The following BTAF1 variants were observed in gnomAD, a reference collection of about 807,000 sequenced individuals.
BTAF1 encodes TATA-binding protein-associated factor 172.
Under a neutral mutation model 227.1 loss-of-function variants are expected in BTAF1, and 38 were observed. The ratio of observed to expected loss-of-function variants is 0.17; its 90% CI spans 0.13 to 0.22. BTAF1 has a LOEUF of 0.22. Among genes scored for constraint, BTAF1 ranks in the 10% least tolerant of loss-of-function variants. The probability of loss-of-function intolerance (pLI) is 1.00; values close to 1 mark genes in which losing one functional copy is unlikely to be tolerated. For synonymous variants in BTAF1, 742 were observed against 751.9 expected, an observed-to-expected ratio of 0.99 and a Z score of 0.21; for missense variants, 1,598 against 2,204.0, an observed-to-expected ratio of 0.73 and a Z score of 5.51.
intron 25 of BTAF1, among the ~76,000 whole-genome samples, chr10:91,999,398 C>CT (rs528102402): frequency 3.3e-3 from 482 of 146,904 alleles, no homozygotes; most frequent in African/African-American, 7.4e-3. Flanking sequence ...ATTTTCAAGA[C>CT]TTTTTTTTTT....
At chr10:91,978,890 T>A (rs1014859191) in intron 14 of BTAF1, among the ~76,000 whole-genome samples, 2 of 142,416 alleles carry the variant, frequency 1.4e-5, no homozygotes, top group African/African-American at 5.0e-5. Flanking sequence ...GTAGGTAAAC[T>A]TATGTCACGG....
intron 19 of BTAF1, among the ~76,000 whole-genome samples, chr10:91,985,483 T>C (rs1487827438): frequency 2.0e-5 from 3 of 152,162 alleles, no homozygotes; most frequent in East Asian, 3.9e-4. Flanking sequence ...TCTGCTTTCA[T>C]TTTTCTTGGG....
chr10:91,971,995 T>G (rs771478083), intron 14 of BTAF1, among the ~76,000 whole-genome samples: 12 of 152,220 alleles, frequency 7.9e-5, no homozygotes, highest in Non-Finnish European at 1.3e-4. Flanking sequence ...ATTTACCTAC[T>G]TCTGCCTTCT....
In BTAF1 at chr10:91,982,781, G is replaced by T; in HGVS notation, c.2223+20G>T. The stretch of plus-strand genomic sequence containing the variant: ...CAAAAGGTAAGATTTTGCCCCAAAA[G>T]TAATAAAGACAAATTAAGTAAACCA... On this transcript the variant is annotated intron_variant, in intron 18 of 37. Coordinates refer to ENST00000265990, the MANE Select transcript of BTAF1 (RefSeq NM_003972.3). The T allele has an allele frequency of 1.3e-6, 2 of 1,573,722 alleles. No homozygotes were observed. The highest frequency in any genetic ancestry group is 1.7e-6 in the Non-Finnish European group (2 of 1,157,900).
At position 91,962,548 on chromosome 10, in the gene BTAF1, A is replaced by G. The variant is rs1428521135; in HGVS notation, c.1274A>G (p.Asn425Ser). ...YALAVRQDVI[N>S]TLLPKVLTRI... ...TGTACTGTTTTACAGGATGTAATTA[A>G]TACTTTATTGCCTAAAGTTTTAACT... is the stretch of plus-strand genomic sequence containing the variant. Residue 425 changes from asparagine to serine, a missense_variant, in exon 12 of 38, where the codon AAT becomes AGT. Asn to Ser is a conservative substitution (Grantham distance 46). Around this residue, in one of 10 missense-constraint regions of BTAF1, gnomAD observed 52 missense variants for 72.4 expected, o/e 0.72. Coordinates refer to ENST00000265990, the MANE Select transcript of BTAF1 (RefSeq NM_003972.3). 2 of 1,551,434 alleles carry G rather than the reference A, an allele frequency of 1.3e-6. No individual in the cohort carries two copies. The highest frequency in any genetic ancestry group is 1.8e-6 in the Non-Finnish European group (2 of 1,129,984).
Position 91,989,163 on chromosome 10 carries a change from G to A in BTAF1, c.2437G>A (p.Val813Ile). Residue 813 changes from valine (V) to isoleucine (I), a missense_variant, in exon 20 of 38, where the codon GTT becomes ATT. Val to Ile is a conservative substitution (Grantham distance 29). Around this residue, in one of 10 missense-constraint regions of BTAF1, gnomAD observed 318 missense variants for 435.0 expected, o/e 0.73. Coordinates refer to ENST00000265990, the MANE Select transcript of BTAF1 (RefSeq NM_003972.3). Reference protein sequence around the residue: ...IDQASDLVTTVFNEATSSFDL... With the variant: ...IDQASDLVTTIFNEATSSFDL... ...CTTTTTTTTTTAATAGGTCACTACT[G>A]TTTTTAATGAAGCCACATCATCTTT... is the stretch of plus-strand genomic sequence containing the variant. The A allele has an allele frequency of 6.2e-7, 1 of 1,610,516 alleles. No individual in the cohort carries two copies. The highest frequency in any genetic ancestry group is 8.5e-7 in the Non-Finnish European group (1 of 1,177,964).
At chr10:91,993,109 A>G (rs1589905391) in intron 21 of BTAF1, among the ~76,000 whole-genome samples, 1 of 152,178 alleles carries the variant, frequency 6.6e-6, no homozygotes, top group Admixed American at 6.5e-5. Flanking sequence ...TTCATTGACA[A>G]TATTTCCCTA....
At chr10:92,025,101 A>T in intron 35 of BTAF1, 134 bp downstream of exon 35, 1 of 725,080 alleles carries the variant, frequency 1.4e-6, no homozygotes, top group Non-Finnish European at 2.2e-6. Context: ...CCCCAAATAA[A>T]CCCCTTTTTA....
In BTAF1 at chr10:91,996,589, C is replaced by T; in HGVS notation, c.3511+19C>T. On this transcript the variant is annotated intron_variant, in intron 24 of 37. Transcript: ENST00000265990. ...CTTGCCTGTATCCTTTTTCATTTGA[C>T]AAACTGTTCAGGAATTATATTCATT... 1.2e-6 allele frequency: 2 copies of T among 1,606,462 alleles called. No individual in the cohort carries two copies. The highest frequency in any genetic ancestry group is 1.7e-4 in the Middle Eastern group (1 of 6,014).
intron 9 of BTAF1, 123 bp from the exon 10 acceptor site, chr10:91,959,662 C>T (rs925289763): frequency 4.8e-5 from 19 of 393,704 alleles, no homozygotes; most frequent in African/African-American, 4.0e-4. Context: ...TAAGGTGTCC[C>T]CCAAGTCCCC....
At chr10:91,991,271 A>AAATATATATATATATATATATATATAT (rs1564699928) in intron 20 of BTAF1, among the ~76,000 whole-genome samples, 7 of 66,224 alleles carry the variant, frequency 1.1e-4, no homozygotes, top group East Asian at 9.1e-4. Flanking sequence ...TATAAATATA[A>AAATATATATATATATATATATATATAT]ATATATATAT....
At chr10:91,995,569 G>A (rs879775865) in intron 23 of BTAF1, among the ~76,000 whole-genome samples, 1 of 151,958 alleles carries the variant, frequency 6.6e-6, no homozygotes, top group Admixed American at 6.6e-5. Context: ...CCAGGTACTT[G>A]GGAGGCTGAG....
chr10:91,987,782 T>A (rs888785772), intron 19 of BTAF1, among the ~76,000 whole-genome samples: 1 of 152,178 alleles, frequency 6.6e-6, no homozygotes, highest in Non-Finnish European at 1.5e-5. Flanking sequence ...TTTCTCAAAC[T>A]TTCTCCACTC....
rs764578801 is a variant in BTAF1, at chr10:92,027,135, T to C, written c.5241T>C (p.Arg1747=). 3 of 1,608,878 alleles carry C rather than the reference T, an allele frequency of 1.9e-6. No individual in the cohort carries two copies. The highest frequency in any genetic ancestry group is 1.7e-5 in the Admixed American group (1 of 58,516). The change falls in exon 37 of 38, where the codon CGT becomes CGC. Residue 1747 remains arginine, a synonymous_variant. Coordinates refer to ENST00000265990, the MANE Select transcript of BTAF1 (RefSeq NM_003972.3). ...MDRAHRIGQK[R]VVNVYRLITR... ...TAACTGTTTTTCTTATCCAGAAACG[T>C]GTGGTTAACGTATACCGATTGATAA...
rs554692840 is a variant in BTAF1 at position 92,024,738 on chromosome 10, T to TTGTTTTTG, written c.4864-17_4864-16insGTTTTTGT. The TTGTTTTTG allele has an allele frequency of 3.1e-3, 4,834 of 1,570,762 alleles. 64 individuals are homozygous for TTGTTTTTG. Among genetic ancestry groups the TTGTTTTTG allele is most frequent in the Non-Finnish European group, 3.6e-3 (4,200 of 1,166,014 alleles). ...TTTATTGAACGCTTATGTAGTTTTT[T>TTGTTTTTG]TTTTTTTTCTTCCTAAGTTGCTGTT... On this transcript the variant is annotated splice_polypyrimidine_tract_variant and intron_variant, in intron 34 of 37. Coordinates refer to ENST00000265990, the MANE Select transcript of BTAF1 (RefSeq NM_003972.3).
chr10:91,992,094 G>T, intron 20 of BTAF1, 25 bp from the exon 21 acceptor site: 2 of 1,527,950 alleles, frequency 1.3e-6, no homozygotes, highest in Non-Finnish European at 1.8e-6. Flanking sequence ...ATGATTAAAA[G>T]GTTGTTTAAC....
chr10:92,004,524 G>C (rs1252417793), intron 25 of BTAF1, among the ~76,000 whole-genome samples: 1 of 152,196 alleles, frequency 6.6e-6, no homozygotes, highest in Non-Finnish European at 1.5e-5. Context: ...CTGGAGTGCA[G>C]TTGTATGATC....
At position 91,959,772 on chromosome 10, in the gene BTAF1, T is replaced by A. The variant is rs112640204; in HGVS notation, c.991-13T>A. ...TATATATATATATATATATATATAT[T>A]ATATTTTAACAGATGATTCAGCAGC... is the stretch of plus-strand genomic sequence containing the variant. On this transcript the variant is annotated splice_polypyrimidine_tract_variant and intron_variant, in intron 9 of 37. Transcript: ENST00000265990. 124 of 985,438 alleles carry A rather than the reference T, an allele frequency of 1.3e-4. No homozygotes were observed. Among genetic ancestry groups the A allele is most frequent in the African/African-American group, 1.1e-3 (62 of 56,784 alleles). The allele number at this position is 985,438 out of a possible 1,614,324, so 61.0% of individuals were successfully genotyped here.
Position 91,964,109 on chromosome 10 carries a change from T to C in BTAF1, c.1437T>C (p.Ala479=). The C allele has an allele frequency of 1.2e-6, 2 of 1,613,534 alleles. No homozygotes were observed. Among genetic ancestry groups the C allele is most frequent in the Non-Finnish European group, 1.7e-6 (2 of 1,179,756 alleles). ...VPFIINTLWD[A]LLELDDLTAS... is the part of the protein sequence containing the mutation. ...TCATTATAAATACATTGTGGGATGC[T>C]CTTCTGGAATTAGATGATCTAACAG... Residue 479 remains alanine, a synonymous_variant, in exon 13 of 38, where the codon GCT becomes GCC. Coordinates refer to ENST00000265990, the MANE Select transcript of BTAF1 (RefSeq NM_003972.3).
Sources: allele counts gnomAD v4.1 joint callset (sites outside exome capture counted in the v4.1 genomes callset), GRCh38; gene constraint gnomAD v4.1.1; regional missense constraint gnomAD v4.1.1; transcripts MANE v1.5; gene names NCBI Gene and HGNC (gene_info 2026-07-23, HGNC 2026-07-21).